COL5A1: variants seen among roughly 807,000 people sequenced by gnomAD.
The protein encoded by COL5A1 is collagen type V alpha 1 chain.
A neutral mutation model predicts 263.7 loss-of-function variants in COL5A1; 16 were observed. That is an observed-to-expected ratio of 0.06 (90% CI 0.04 to 0.09). The LOEUF is 0.09. Among genes scored for constraint, COL5A1 ranks in the 10% least tolerant of loss-of-function variants. COL5A1 has a pLI of 1.00. For missense variants in COL5A1, 2,036 were observed against 2,540.5 expected (o/e 0.80, Z 4.27); for synonymous variants, 1,012 against 1,004.5 (o/e 1.01, Z -0.14).
At chr9:134,819,739 G>A (rs1016035168) in intron 57 of COL5A1, among the ~76,000 whole-genome samples, 3 of 152,228 alleles carry the variant, frequency 2.0e-5, no homozygotes, top group Admixed American at 6.5e-5. Context: ...TTCTTTCCGT[G>A]TCAGTCCACA....
In COL5A1 at chr9:134,839,335, G is replaced by T. The variant is rs184467956; in HGVS notation, c.5371-2822G>T. On this transcript the variant is annotated intron_variant, in intron 65 of 65. Transcript: ENST00000371817. ...GAATAACGGGGTAACAGAGCGGCTCGCAGCGGCCTACTTTAAATACGCCCC... is the reference window on the plus strand; with the variant it reads ...GAATAACGGGGTAACAGAGCGGCTCTCAGCGGCCTACTTTAAATACGCCCC... 2.6e-5 allele frequency among the ~76,000 whole-genome samples: 4 copies of T among 152,290 alleles called. No homozygotes were observed. In the South Asian group the frequency reaches 6.2e-4, roughly 24 times the overall value.
At chr9:134,773,529 G>A (rs759610270) in intron 26 of COL5A1, among the ~76,000 whole-genome samples, 1 of 152,196 alleles carries the variant, frequency 6.6e-6, no homozygotes, top group African/African-American at 2.4e-5. Context: ...TGGTCGTCGG[G>A]AGCCTGGGGC....
intron 11 of COL5A1, among the ~76,000 whole-genome samples, chr9:134,746,961 T>C (rs189136121): frequency 1.4e-3 from 209 of 152,266 alleles, no homozygotes; most frequent in African/African-American, 4.5e-3. Flanking sequence ...AAATGTGACT[T>C]TGAGGTGTAG....
In COL5A1 at chr9:134,642,508, C is replaced by A. The variant is rs1473813282; in HGVS notation, c.109+212C>A. ...GGCGCGCCGCCGCCCCCTCCCCAGA[C>A]GGGCGGGTCGGGTGGGGCTGTCGCG... is the stretch of plus-strand genomic sequence containing the variant. On this transcript the variant is annotated intron_variant, in intron 1 of 65. Coordinates refer to ENST00000371817, the MANE Select transcript of COL5A1 (RefSeq NM_000093.5). The surrounding 1 kb of genome is among the most constrained non-coding windows in gnomAD (Gnocchi z 4.5). 7.2e-5 allele frequency among the ~76,000 whole-genome samples: 10 copies of A among 139,442 alleles called. No individual in the cohort carries two copies. Among genetic ancestry groups the A allele is most frequent in the Non-Finnish European group, 1.3e-4 (8 of 63,476 alleles). 91.5% of individuals were successfully genotyped at this position (139,442 alleles called of 152,430 possible). A position where few individuals can be genotyped will look rare whatever the true frequency, so the allele number is the denominator to read the frequency against.
intron 14 of COL5A1, among the ~76,000 whole-genome samples, 154 bp downstream of exon 14, chr9:134,752,799 C>A (rs905466741): frequency 6.6e-6 from 1 of 151,800 alleles, no homozygotes; most frequent in African/African-American, 2.4e-5. Flanking sequence ...CCAGGGGGAC[C>A]AGGGGCCTCT....
chr9:134,825,607 T>C (rs940170240), intron 62 of COL5A1, among the ~76,000 whole-genome samples, 185 bp from the exon 63 acceptor site: 1 of 152,106 alleles, frequency 6.6e-6, no homozygotes, highest in Non-Finnish European at 1.5e-5. Context: ...TTTGTCCACA[T>C]CTCTTTATGG....
intron 64 of COL5A1, among the ~76,000 whole-genome samples, chr9:134,830,692 A>G (rs555379180): frequency 6.6e-6 from 1 of 152,320 alleles, no homozygotes; most frequent in East Asian, 1.9e-4. Flanking sequence ...ACACCACTGT[A>G]CGAGTCACGT....
Position 134,693,003 on chromosome 9 carries a change from G to A in COL5A1, c.277+1924G>A, listed in dbSNP as rs1027138264. On this transcript the variant is annotated intron_variant, in intron 2 of 65. Transcript: ENST00000371817. Reference sequence around the variant, plus strand: ...CAGGAGAATCACTTGAACCTGGGAGGCGGAGGTTGCAGTGAGCTGAGATCG... The same window carrying A: ...CAGGAGAATCACTTGAACCTGGGAGACGGAGGTTGCAGTGAGCTGAGATCG... 3.9e-5 allele frequency among the ~76,000 whole-genome samples: 6 copies of A among 152,184 alleles called. No individual in the cohort carries two copies. The South Asian group carries it at 6.2e-4, about 16-fold the overall frequency.
At chr9:134,760,563 C>T (rs1201363596) in intron 18 of COL5A1, among the ~76,000 whole-genome samples, 1 of 136,736 alleles carries the variant, frequency 7.3e-6, no homozygotes, top group Non-Finnish European at 1.6e-5. Flanking sequence ...CGCACATACA[C>T]ACCCACACAC....
rs1838985322 is a variant in COL5A1, at chr9:134,821,204, G to C, written c.4555-893G>C. On this transcript the variant is annotated intron_variant, in intron 58 of 65. Coordinates refer to ENST00000371817, the MANE Select transcript of COL5A1 (RefSeq NM_000093.5). This position sits in a 1 kb window ranked among gnomAD's most constrained non-coding sequence, Gnocchi z 4.2. ...CCACGAGAATTAGAGAGGCATCCAG[G>C]GTCCCCACGGCCAGCGGGGAAAGCA... 6.6e-6 allele frequency among the ~76,000 whole-genome samples: 1 copy of C among 151,980 alleles called. No individual in the cohort carries two copies. The highest frequency in any genetic ancestry group is 6.5e-5 in the Admixed American group (1 of 15,268).
intron 25 of COL5A1, among the ~76,000 whole-genome samples, chr9:134,770,522 A>G (rs1231590136): frequency 1.3e-5 from 2 of 152,366 alleles, no homozygotes; most frequent in Non-Finnish European, 2.9e-5. Flanking sequence ...AAATGCTCAC[A>G]ATGTAATATT....
intron 9 of COL5A1, among the ~76,000 whole-genome samples, chr9:134,734,554 G>A (rs1339461461): frequency 6.6e-6 from 1 of 152,262 alleles, no homozygotes; most frequent in East Asian, 1.9e-4. Flanking sequence ...GGTGTCTGTT[G>A]TCTGCCCCAC....
chr9:134,793,062 T>TA (rs1837775526), intron 32 of COL5A1, among the ~76,000 whole-genome samples: 1 of 151,974 alleles, frequency 6.6e-6, no homozygotes, highest in Admixed American at 6.5e-5. Flanking sequence ...GGCAGGAACA[T>TA]AAGCTGCTAT....
At chr9:134,816,976 A>T in intron 52 of COL5A1, 50 bp from the exon 53 acceptor site, 2 of 1,533,060 alleles carry the variant, frequency 1.3e-6, no homozygotes, top group Non-Finnish European at 1.8e-6. Flanking sequence ...GCCTCAATTG[A>T]GTCTAACGGG....
At chr9:134,690,566 G>A (rs1833243553) in intron 1 of COL5A1, among the ~76,000 whole-genome samples, 1 of 152,180 alleles carries the variant, frequency 6.6e-6, no homozygotes, top group Non-Finnish European at 1.5e-5. Context: ...CCAGCCTCAG[G>A]AGCCACGAGA....
At chr9:134,656,383 A>G (rs867034937) in intron 1 of COL5A1, among the ~76,000 whole-genome samples, 3 of 152,178 alleles carry the variant, frequency 2.0e-5, no homozygotes, top group Non-Finnish European at 4.4e-5. Context: ...GGAAGCAGTG[A>G]TTCTCAGGGA....
At chr9:134,743,583 A>G (rs933164576) in intron 11 of COL5A1, among the ~76,000 whole-genome samples, 1 of 152,080 alleles carries the variant, frequency 6.6e-6, no homozygotes, top group Non-Finnish European at 1.5e-5. Context: ...CAGTTTCCCA[A>G]GCTTTCTCCA....
intron 1 of COL5A1, among the ~76,000 whole-genome samples, chr9:134,666,237 C>T (rs1195396468): frequency 1.3e-5 from 2 of 152,218 alleles, no homozygotes; most frequent in African/African-American, 4.8e-5. Flanking sequence ...ACTGTCGTTG[C>T]CATCCTTCAT....
chr9:134,658,863 C>G (rs559776407), intron 1 of COL5A1, among the ~76,000 whole-genome samples: 101 of 152,174 alleles, frequency 6.6e-4, no homozygotes, highest in Non-Finnish European at 1.2e-3. Context: ...ACTGAAATGT[C>G]AGTTAAGGTA....
Sources: allele counts gnomAD v4.1 joint callset (sites outside exome capture counted in the v4.1 genomes callset), GRCh38; gene constraint gnomAD v4.1.1; non-coding constraint Gnocchi (gnomAD v3.1); transcripts MANE v1.5; gene names NCBI Gene and HGNC (gene_info 2026-07-23, HGNC 2026-07-21).